Variants in ELF2 observed in about 807,000 individuals in gnomAD.
ELF2 encodes the protein E74 like ETS transcription factor 2.
Under a neutral mutation model 54.8 loss-of-function variants are expected in ELF2, and 11 were observed. The observed-to-expected ratio is 0.20, with a 90% CI of 0.13 to 0.33. The LOEUF is 0.33. ELF2 is among the 10% of genes least tolerant of loss of function. The pLI is 1.00. For missense variants in ELF2, 513 were observed against 703.0 expected (o/e 0.73, Z 3.06); for synonymous variants, 203 against 245.1 (o/e 0.83, Z 1.61).
At chr4:139,076,058 T>G (rs1199443739) in intron 4 of ELF2, among the ~76,000 whole-genome samples, 1 of 152,150 alleles carries the variant, frequency 6.6e-6, no homozygotes, top group African/African-American at 2.4e-5. Context: ...GGGGAAAAAA[T>G]CCAGTTCATC....
intron 4 of ELF2, among the ~76,000 whole-genome samples, chr4:139,075,477 C>A (rs1730174900): frequency 6.6e-6 from 1 of 152,212 alleles, no homozygotes. Flanking sequence ...GTTGCCCAGG[C>A]TGGAGTGCAG....
intron 1 of ELF2, among the ~76,000 whole-genome samples, chr4:139,176,185 G>A (rs1742894590): frequency 6.6e-6 from 1 of 152,292 alleles, no homozygotes; most frequent in South Asian, 2.1e-4. Context: ...CCTGTTACGA[G>A]CCCGTTTTTG....
At chr4:139,131,676 A>C (rs1026414905) in intron 3 of ELF2, among the ~76,000 whole-genome samples, 1 of 152,140 alleles carries the variant, frequency 6.6e-6, no homozygotes, top group Non-Finnish European at 1.5e-5. Flanking sequence ...CATCTCCCCT[A>C]CCTCTCATGG....
intron 4 of ELF2, among the ~76,000 whole-genome samples, chr4:139,087,151 C>T (rs1306362086): frequency 6.6e-6 from 1 of 152,200 alleles, no homozygotes; most frequent in Admixed American, 6.5e-5. Context: ...ATCCCTGGGC[C>T]AGGCTCTCCT....
chr4:139,075,721 G>A (rs970758914), intron 4 of ELF2, among the ~76,000 whole-genome samples: 6 of 152,132 alleles, frequency 3.9e-5, no homozygotes, highest in Non-Finnish European at 7.4e-5. Context: ...GAGCCATCAC[G>A]CCAGGCAGGT....
intron 3 of ELF2, among the ~76,000 whole-genome samples, chr4:139,131,175 A>G (rs1233212237): frequency 1.3e-5 from 2 of 152,204 alleles, no homozygotes; most frequent in Non-Finnish European, 2.9e-5. Flanking sequence ...TGAATTTCAG[A>G]GAAACACTGA....
chr4:139,124,045 TTTTG>T (rs1736662748), intron 4 of ELF2, among the ~76,000 whole-genome samples: 1 of 151,654 alleles, frequency 6.6e-6, no homozygotes, highest in East Asian at 1.9e-4. Flanking sequence ...ATGCCTGGTT[TTTTG>T]TTTATTTGTT....
chr4:139,071,092 G>A (rs3805212), intron 6 of ELF2, among the ~76,000 whole-genome samples: 1 of 152,028 alleles, frequency 6.6e-6, no homozygotes, highest in Non-Finnish European at 1.5e-5. Context: ...TAGTGGGATG[G>A]GGGGAGCAGA....
At chr4:139,062,274 A>T (rs1253011457) in intron 7 of ELF2, among the ~76,000 whole-genome samples, 1 of 151,906 alleles carries the variant, frequency 6.6e-6, no homozygotes, top group East Asian at 1.9e-4. Context: ...AGGTTCAAGC[A>T]ATTCTCCTGC....
At chr4:139,072,677 C>G (rs931172347) in intron 5 of ELF2, among the ~76,000 whole-genome samples, 2 of 152,106 alleles carry the variant, frequency 1.3e-5, no homozygotes, top group African/African-American at 4.8e-5. Flanking sequence ...GTTGCTCTGG[C>G]TTCCTTCTAA....
At chr4:139,115,357 G>A in intron 4 of ELF2, 3 of 1,177,080 alleles carry the variant, frequency 2.5e-6, no homozygotes, top group East Asian at 4.2e-5. Context: ...CGCCCCCCGC[G>A]GTGCCGCTGT....
intron 4 of ELF2, among the ~76,000 whole-genome samples, chr4:139,121,279 T>A (rs1736314483): frequency 1.3e-5 from 2 of 150,878 alleles, no homozygotes; most frequent in Admixed American, 6.6e-5. Context: ...CGGCTAATTT[T>A]TTGTATTTTT....
chr4:139,099,277 T>C (rs1733624941), intron 4 of ELF2, among the ~76,000 whole-genome samples: 1 of 152,200 alleles, frequency 6.6e-6, no homozygotes, highest in African/African-American at 2.4e-5. Flanking sequence ...AGTGTCTAAA[T>C]AAAATACAAA....
chr4:139,171,212 AC>A (rs1041161987), intron 1 of ELF2, among the ~76,000 whole-genome samples: 1 of 151,924 alleles, frequency 6.6e-6, no homozygotes, highest in African/African-American at 2.4e-5. Flanking sequence ...ATGCAGTGAG[AC>A]CCCCATCGCT....
intron 1 of ELF2, among the ~76,000 whole-genome samples, chr4:139,142,961 G>C (rs1276191659): frequency 1.3e-5 from 2 of 152,122 alleles, no homozygotes; most frequent in Non-Finnish European, 2.9e-5. Context: ...TGCTATGAGA[G>C]AAAGAAAGAA....
At chr4:139,128,756 G>A (rs554642383) in intron 3 of ELF2, among the ~76,000 whole-genome samples, 56 of 151,560 alleles carry the variant, frequency 3.7e-4, no homozygotes, top group Non-Finnish European at 6.5e-4. Context: ...TCCTGGACTC[G>A]AGCAATCCAC....
At chr4:139,121,664 G>C (rs1736360359) in intron 4 of ELF2, among the ~76,000 whole-genome samples, 3 of 152,024 alleles carry the variant, frequency 2.0e-5, no homozygotes, top group Admixed American at 2.0e-4. Context: ...TGCAGCCACT[G>C]GGGAAGATAT....
rs1732749499 is a variant in ELF2, at chr4:139,092,417, A to AAACCT, written c.239-18851_239-18850insAGGTT. On this transcript the variant is annotated intron_variant, in intron 4 of 9. Transcript: ENST00000686138. Reference sequence around the variant, plus strand: ...CATAACATAACATAACATAACATACATAACATAACATAACATAACATAACA... The same window carrying AAACCT: ...CATAACATAACATAACATAACATACAAACCTTAACATAACATAACATAACATAACA... 8.6e-5 allele frequency among the ~76,000 whole-genome samples: 5 copies of AAACCT among 58,020 alleles called. No individual in the cohort carries two copies. In the South Asian group the frequency reaches 2.6e-3, roughly 30 times the overall value. 38.1% of individuals were successfully genotyped at this position (58,020 alleles called of 152,430 possible).
At chr4:139,142,452 A>T (rs1738796833) in intron 1 of ELF2, among the ~76,000 whole-genome samples, 1 of 152,188 alleles carries the variant, frequency 6.6e-6, no homozygotes, top group Non-Finnish European at 1.5e-5. Context: ...GGAGCCAAGT[A>T]GGTCCCCTGT....
Sources: gnomAD v4.1 joint callset for allele counts (sites outside exome capture counted in the v4.1 genomes callset) on GRCh38, gnomAD v4.1.1 for gene constraint, MANE v1.5 for transcripts, NCBI Gene and HGNC (gene_info 2026-07-23, HGNC 2026-07-21) for gene names.